Variants in TMEM131 observed in about 807,000 individuals in gnomAD.
The protein encoded by TMEM131 is transmembrane protein 131, also known as 2610524E03Rik.
TMEM131 carries 66 observed loss-of-function variants against 211.6 expected under a neutral mutation model. That is an observed-to-expected ratio of 0.31 (90% CI 0.26 to 0.38). The LOEUF is 0.38. TMEM131 is among the 10% of genes least tolerant of loss of function. TMEM131 has a pLI of 1.00. For synonymous variants in TMEM131, 844 were observed against 841.3 expected (o/e 1.00, Z -0.06); for missense variants, 2,036 against 2,299.3 (o/e 0.89, Z 2.34).
At chr2:97,984,265 T>C (rs2104654648) in intron 1 of TMEM131, among the ~76,000 whole-genome samples, 1 of 152,326 alleles carries the variant, frequency 6.6e-6, no homozygotes, top group East Asian at 1.9e-4. Context: ...TTCCAGAATT[T>C]TCCCAGTATT....
chr2:97,815,287 A>G lies in TMEM131; in HGVS notation c.1204T>C (p.Ser402Pro). The change falls in exon 13 of 41, where the codon TCT (serine) becomes CCT (proline). Residue 402 changes from serine to proline, a missense_variant. Ser to Pro is a moderately conservative substitution (Grantham distance 74, BLOSUM62 -1). Transcript: ENST00000186436. Reference protein sequence around the residue: ...SFDASKAKKPSQFSGKITVKA... With the variant: ...SFDASKAKKPPQFSGKITVKA... ...ACTGTTATTTTCCCAGAAAACTGAG[A>G]TGGCTTTTTTGCCTTCGATGCTGAA... is the stretch of plus-strand genomic sequence containing the variant. 6.4e-7 allele frequency: 1 copy of G among 1,572,458 alleles called. No individual in the cohort carries two copies. Among genetic ancestry groups the G allele is most frequent in the Non-Finnish European group, 8.6e-7 (1 of 1,168,198 alleles).
intron 2 of TMEM131, among the ~76,000 whole-genome samples, chr2:97,925,167 C>T (rs1477515365): frequency 2.0e-5 from 3 of 152,142 alleles, no homozygotes; most frequent in Non-Finnish European, 2.9e-5. Flanking sequence ...CCACTGTGTC[C>T]ACCCCTGCCT....
intron 31 of TMEM131, among the ~76,000 whole-genome samples, chr2:97,782,151 C>T (rs1317485009): frequency 1.3e-5 from 2 of 152,224 alleles, no homozygotes; most frequent in Admixed American, 1.3e-4. Flanking sequence ...GAGGTGGTGA[C>T]AGAGGAGGCC....
intron 4 of TMEM131, among the ~76,000 whole-genome samples, chr2:97,887,393 G>A (rs1675205853): frequency 6.6e-6 from 1 of 152,236 alleles, no homozygotes; most frequent in Non-Finnish European, 1.5e-5. Context: ...TTCAGGCCCT[G>A]ATTTCAGGTG....
intron 1 of TMEM131, among the ~76,000 whole-genome samples, chr2:97,971,150 A>G (rs2104602050): frequency 6.6e-6 from 1 of 152,366 alleles, no homozygotes; most frequent in African/African-American, 2.4e-5. Context: ...GCTGCTATAC[A>G]TAAATTATTC....
intron 3 of TMEM131, among the ~76,000 whole-genome samples, chr2:97,902,200 G>A (rs1466883746): frequency 6.6e-6 from 1 of 152,132 alleles, no homozygotes; most frequent in Non-Finnish European, 1.5e-5. Context: ...GGAGAAGGAT[G>A]AAGAGAAAGA....
intron 3 of TMEM131, among the ~76,000 whole-genome samples, chr2:97,889,197 C>G (rs1675280537): frequency 6.6e-6 from 1 of 152,012 alleles, no homozygotes; most frequent in Non-Finnish European, 1.5e-5. Flanking sequence ...TTAGAACATT[C>G]TTTTGTGTAG....
At chr2:97,814,807 G>A (rs1258009143) in intron 13 of TMEM131, among the ~76,000 whole-genome samples, 1 of 152,120 alleles carries the variant, frequency 6.6e-6, no homozygotes, top group Admixed American at 6.6e-5. Flanking sequence ...AATTCTAGAA[G>A]TGTTTATGAA....
rs144133173 is a variant in TMEM131 at position 97,854,864 on chromosome 2, C to T, written c.483+4440G>A. Among the ~76,000 whole-genome samples the T allele has an allele frequency of 6.0e-3, 919 of 152,288 alleles. 8 individuals carry two copies. Among genetic ancestry groups the T allele is most frequent in the Middle Eastern group, 0.024 (7 of 294 alleles). The stretch of plus-strand genomic sequence containing the variant: ...ACCTCACGCCCTTCGAGTCTTTGTT[C>T]AAATGTCACCTTCTGAATAAAGCCT... On this transcript the variant is annotated intron_variant, in intron 5 of 40. Transcript: ENST00000186436.
At chr2:97,786,702 G>A (rs1050989148) in intron 31 of TMEM131, among the ~76,000 whole-genome samples, 6 of 152,152 alleles carry the variant, frequency 3.9e-5, no homozygotes, top group African/African-American at 1.4e-4. Context: ...TGTGCATGTG[G>A]GGGTGACTGA....
intron 1 of TMEM131, among the ~76,000 whole-genome samples, chr2:97,975,325 A>C (rs1307346481): frequency 1.3e-5 from 2 of 152,166 alleles, no homozygotes; most frequent in African/African-American, 4.8e-5. Flanking sequence ...TATACAGAGA[A>C]TAATAAAGCC....
chr2:97,767,074 C>G (rs750716829), intron 33 of TMEM131, among the ~76,000 whole-genome samples: 5 of 152,124 alleles, frequency 3.3e-5, no homozygotes, highest in Non-Finnish European at 7.4e-5. Context: ...CAAAACTGAA[C>G]AAATTTTTCT....
rs557122970 is a variant in TMEM131 at position 97,966,766 on chromosome 2, G to C, written c.187+28710C>G. On this transcript the variant is annotated intron_variant, in intron 1 of 40. Coordinates refer to ENST00000186436, the MANE Select transcript of TMEM131 (RefSeq NM_015348.2). ...ATACTCACACCAACCCTAGAAGACA[G>C]GTATTCCTATTATCCCCATTAAACA... Among the ~76,000 whole-genome samples the C allele has an allele frequency of 2.6e-5, 4 of 152,190 alleles. No homozygotes were observed. The South Asian group carries it at 6.2e-4, about 24-fold the overall frequency.
chr2:97,821,807 G>A (rs951632496), intron 11 of TMEM131, among the ~76,000 whole-genome samples: 5 of 152,180 alleles, frequency 3.3e-5, no homozygotes, highest in Non-Finnish European at 7.4e-5. Flanking sequence ...AAAGACACAG[G>A]TGTCAGGCTT....
At chr2:97,937,052 G>A (rs1168218994) in intron 1 of TMEM131, among the ~76,000 whole-genome samples, 1 of 152,064 alleles carries the variant, frequency 6.6e-6, no homozygotes, top group Non-Finnish European at 1.5e-5. Context: ...AGAAAGTATG[G>A]CTCATACATA....
At chr2:97,806,628 G>A (rs2104943382) in intron 19 of TMEM131, among the ~76,000 whole-genome samples, 1 of 152,310 alleles carries the variant, frequency 6.6e-6, no homozygotes, top group South Asian at 2.1e-4. Context: ...GCTTCTGTCT[G>A]TGACAGGGTA....
At position 97,766,575 on chromosome 2, in the gene TMEM131, A is replaced by T; in HGVS notation, c.4476T>A (p.Pro1492=). The change falls in exon 34 of 41, where the codon CCT becomes CCA. Residue 1492 remains proline, a synonymous_variant. Coordinates refer to ENST00000186436, the MANE Select transcript of TMEM131 (RefSeq NM_015348.2). ...GATTTCTACGTTGCTTACTTTCCAA[A>T]GGGGGAGTATATGGTAGTTCTAATG... ...PSSLELPYTP[P]LESKQRRNLP... 1 of 1,613,968 alleles carries T rather than the reference A, an allele frequency of 6.2e-7. No individual in the cohort carries two copies. The highest frequency in any genetic ancestry group is 1.3e-5 in the African/African-American group (1 of 75,056).
chr2:97,912,394 G>A (rs979883493), intron 2 of TMEM131, among the ~76,000 whole-genome samples: 1 of 152,128 alleles, frequency 6.6e-6, no homozygotes, highest in Non-Finnish European at 1.5e-5. Flanking sequence ...CATTTGACTG[G>A]CAGGGACCTT....
intron 15 of TMEM131, among the ~76,000 whole-genome samples, chr2:97,813,509 A>T (rs1438827950): frequency 1.3e-5 from 2 of 152,000 alleles, no homozygotes; most frequent in Non-Finnish European, 2.9e-5. Flanking sequence ...CTTCTGTGTC[A>T]TATATAATCT....
Sources: gnomAD v4.1 joint callset for allele counts (sites outside exome capture counted in the v4.1 genomes callset) on GRCh38, gnomAD v4.1.1 for gene constraint, MANE v1.5 for transcripts, NCBI Gene and HGNC (gene_info 2026-07-23, HGNC 2026-07-21) for gene names.